DISP3: variants seen among roughly 807,000 people sequenced by gnomAD.
DISP3 encodes the protein dispatched RND transporter family member 3, also known as protein dispatched homolog 3.
A neutral mutation model predicts 135.3 loss-of-function variants in DISP3; 101 were observed. That is an observed-to-expected ratio of 0.75 (90% CI 0.64 to 0.88). The LOEUF (loss-of-function observed/expected upper bound fraction) is 0.88, where lower values mean the gene tolerates loss of function less well. Among genes scored for constraint, DISP3 ranks in the 40% least tolerant of loss-of-function variants. The pLI, the probability that DISP3 is intolerant of heterozygous loss-of-function variation, is 0.00. For synonymous variants in DISP3, 856 were observed against 817.0 expected (o/e 1.05, Z -0.81); for missense variants, 1,713 against 1,878.6 (o/e 0.91, Z 1.63).
chr1:11,505,817 T>G (rs1300656484), intron 3 of DISP3, among the ~76,000 whole-genome samples: 1 of 152,234 alleles, frequency 6.6e-6, no homozygotes, highest in Non-Finnish European at 1.5e-5. Context: ...TCTGTGTTCA[T>G]TTATATTTAT....
intron 11 of DISP3, 126 bp from the exon 12 acceptor site, chr1:11,525,050 T>G: frequency 1.6e-6 from 2 of 1,212,898 alleles, no homozygotes; most frequent in Admixed American, 2.0e-5. Context: ...CAGCCAGCAT[T>G]TTGAGATGAG....
intron 10 of DISP3, 108 bp from the exon 11 acceptor site, chr1:11,523,834 C>A: frequency 1.2e-6 from 1 of 808,854 alleles, no homozygotes; most frequent in South Asian, 1.9e-5. Context: ...AGTCCCTGGG[C>A]CCCAGTTCCT....
At position 11,501,560 on chromosome 1, in the gene DISP3, T is replaced by TC. The variant is rs762669924; in HGVS notation, c.570dup (p.Ala191ArgfsTer16). 1 of 1,588,286 alleles carries TC rather than the reference T, an allele frequency of 6.3e-7. No individual in the cohort carries two copies. The highest frequency in any genetic ancestry group is 8.6e-7 in the Non-Finnish European group (1 of 1,165,396). On this transcript the variant is annotated frameshift_variant, in exon 2 of 21. Coordinates refer to ENST00000294484, the MANE Select transcript of DISP3 (RefSeq NM_020780.2). LOFTEE classifies it high-confidence loss of function. The surrounding 1 kb of genome is among the most constrained non-coding windows in gnomAD (Gnocchi z 4.9). Reference sequence around the variant, plus strand: ...TGGCCCAGGCCCTTACCGGGACACTTCCGCGGCTCAAAAGCCCACAGCCAA... The same window carrying TC: ...TGGCCCAGGCCCTTACCGGGACACTTCCCGCGGCTCAAAAGCCCACAGCCAA...
In DISP3 at chr1:11,499,631, C is replaced by T. The variant is rs553954934; in HGVS notation, c.-3-1359C>T. On this transcript the variant is annotated intron_variant, in intron 1 of 20. Coordinates refer to ENST00000294484, the MANE Select transcript of DISP3 (RefSeq NM_020780.2). The surrounding 1 kb of genome is among the most constrained non-coding windows in gnomAD (Gnocchi z 5.2). ...CTTCCGCTGCGCACCCCTCCTCTCC[C>T]CCACATCCTCAGTCATTCTTCCTTT... Among the ~76,000 whole-genome samples, 104 of 152,290 alleles carry T rather than the reference C, an allele frequency of 6.8e-4. 1 individual carries two copies. Among genetic ancestry groups the T allele is most frequent in the Admixed American group, 2.9e-3 (45 of 15,302 alleles).
intron 1 of DISP3, among the ~76,000 whole-genome samples, chr1:11,493,544 C>T (rs1377156609): frequency 4.0e-5 from 6 of 151,836 alleles, no homozygotes; most frequent in East Asian, 1.9e-4. Flanking sequence ...GCCAACATGG[C>T]GAAACCCCGT....
At chr1:11,511,267 A>G (rs188005131) in intron 3 of DISP3, among the ~76,000 whole-genome samples, 68 of 152,320 alleles carry the variant, frequency 4.5e-4, no homozygotes, top group Middle Eastern at 3.4e-3. Flanking sequence ...CCAAAAGTCC[A>G]CAGTCCAAAG....
At chr1:11,526,356 C>T (rs776430678) in intron 12 of DISP3, among the ~76,000 whole-genome samples, 2 of 152,240 alleles carry the variant, frequency 1.3e-5, no homozygotes, top group Non-Finnish European at 2.9e-5. Flanking sequence ...TTGCCAGCTC[C>T]AAGAGGTCAG....
chr1:11,496,245 T>C (rs1641328392), intron 1 of DISP3, among the ~76,000 whole-genome samples: 1 of 152,168 alleles, frequency 6.6e-6, no homozygotes, highest in Non-Finnish European at 1.5e-5. Flanking sequence ...AGCAGCTGCC[T>C]CGGTTGCCTT....
At chr1:11,506,611 T>C (rs905487520) in intron 3 of DISP3, among the ~76,000 whole-genome samples, 1 of 152,178 alleles carries the variant, frequency 6.6e-6, no homozygotes, top group Non-Finnish European at 1.5e-5. Flanking sequence ...CTGGTGCAAT[T>C]ATTTTATTCA....
chr1:11,535,457 C>T (rs1187575662), intron 19 of DISP3, 21 bp from the exon 20 acceptor site: 1 of 1,590,128 alleles, frequency 6.3e-7, no homozygotes, highest in Admixed American at 1.7e-5. Flanking sequence ...CCGAGCTGCC[C>T]CCCCTGCTGT....
intron 3 of DISP3, among the ~76,000 whole-genome samples, chr1:11,505,570 T>C (rs1039842637): frequency 3.9e-5 from 6 of 152,242 alleles, no homozygotes; most frequent in Admixed American, 3.3e-4. Flanking sequence ...ACTTAAGCGC[T>C]TTTGGATGAA....
chr1:11,515,469 G>C lies in DISP3; in HGVS notation c.1554G>C (p.Leu518=). The change falls in exon 5 of 21, where the codon CTG becomes CTC. Residue 518 remains leucine (L), a synonymous_variant. Transcript: ENST00000294484. ...TTGGTATCCAGTACTTGGGCATCCT[G>C]AATGGGGTGGCCGCCTTCGTGATCG... The part of the protein sequence containing the change: ...VVFGIQYLGI[L]NGVAAFVIVG... The C allele has an allele frequency of 6.2e-7, 1 of 1,612,554 alleles. No individual in the cohort carries two copies. The highest frequency in any genetic ancestry group is 8.5e-7 in the Non-Finnish European group (1 of 1,179,274).
chr1:11,500,663 G>C (rs909515985), intron 1 of DISP3, among the ~76,000 whole-genome samples: 1 of 151,674 alleles, frequency 6.6e-6, no homozygotes. Context: ...TTAGAAAATT[G>C]TGTAGTCAGA....
rs1264310844 is a variant in DISP3, at chr1:11,483,041, G to A, written c.-4+3669G>A. Among the ~76,000 whole-genome samples the A allele has an allele frequency of 2.6e-5, 4 of 152,242 alleles. No individual in the cohort carries two copies. Among genetic ancestry groups the A allele is most frequent in the Admixed American group, 6.5e-5 (1 of 15,286 alleles). ...GTCGCATTTCACGGGCAGACAGTGC[G>A]GCTCACGCTGCAGCTGCCCAACAAA... On this transcript the variant is annotated intron_variant, in intron 1 of 20. Transcript: ENST00000294484. This position sits in a 1 kb window ranked among gnomAD's most constrained non-coding sequence, Gnocchi z 5.4.
chr1:11,482,174 G>C (rs181080720), intron 1 of DISP3, among the ~76,000 whole-genome samples: 2 of 152,136 alleles, frequency 1.3e-5, no homozygotes, highest in African/African-American at 4.8e-5. Flanking sequence ...CCTCAAAGGC[G>C]GTGGATGGAA....
intron 1 of DISP3, among the ~76,000 whole-genome samples, chr1:11,488,619 C>T (rs576282760): frequency 4.7e-5 from 7 of 149,012 alleles, no homozygotes; most frequent in East Asian, 2.0e-4. Context: ...GTGACCAGAA[C>T]GGCTGAGGGC....
rs182241567 is a variant in DISP3, at chr1:11,482,623, A to G, written c.-4+3251A>G. Among the ~76,000 whole-genome samples the G allele has an allele frequency of 2.0e-5, 3 of 152,262 alleles. No individual in the cohort carries two copies. In the East Asian group the frequency reaches 5.8e-4, roughly 29 times the overall value. The stretch of plus-strand genomic sequence containing the variant: ...TATAGGTGTTGATAATGATGTTAGC[A>G]TTGTTAAAATCGAGAGCTCAGTGAT... On this transcript the variant is annotated intron_variant, in intron 1 of 20. Transcript: ENST00000294484.
At chr1:11,494,836 T>C (rs1458487427) in intron 1 of DISP3, among the ~76,000 whole-genome samples, 1 of 152,204 alleles carries the variant, frequency 6.6e-6, no homozygotes, top group Non-Finnish European at 1.5e-5. Flanking sequence ...ATTTTAATAG[T>C]CTGGCTGGTA....
In DISP3 at chr1:11,501,750, C is replaced by T; in HGVS notation, c.758C>T (p.Ala253Val). Reference protein sequence around the residue: ...AANQSRARRGASRWDYSRAYV... With the variant: ...AANQSRARRGVSRWDYSRAYV... ...AATCAGAGCCGTGCCCGCCGAGGCG[C>T]CTCGCGCTGGGACTACTCGCGCGCC... The change falls in exon 2 of 21, where the codon GCC becomes GTC. Residue 253 changes from alanine (A) to valine (V), a missense_variant. Coordinates refer to ENST00000294484, the MANE Select transcript of DISP3 (RefSeq NM_020780.2). This position sits in a 1 kb window ranked among gnomAD's most constrained non-coding sequence, Gnocchi z 4.9. 1.3e-6 allele frequency: 2 copies of T among 1,591,988 alleles called. No homozygotes were observed. Among genetic ancestry groups the T allele is most frequent in the South Asian group, 1.1e-5 (1 of 88,998 alleles).
Sources: gnomAD v4.1 joint callset for allele counts (sites outside exome capture counted in the v4.1 genomes callset) on GRCh38, gnomAD v4.1.1 for gene constraint, Gnocchi (gnomAD v3.1) non-coding constraint, MANE v1.5 for transcripts, NCBI Gene and HGNC (gene_info 2026-07-23, HGNC 2026-07-21) for gene names.